Variants in NRP2 observed in about 807,000 individuals in gnomAD.
The protein encoded by NRP2 is neuropilin-2.
A neutral mutation model predicts 110.4 loss-of-function variants in NRP2; 52 were observed. That is an observed-to-expected ratio of 0.47 (90% CI 0.38 to 0.59). NRP2 has a LOEUF of 0.59. Ranked by LOEUF, NRP2 falls within the 20% of genes least tolerant of loss-of-function variation. NRP2 has a pLI of 0.00. For missense variants in NRP2, 1,049 were observed against 1,203.0 expected (o/e 0.87, Z 1.89); for synonymous variants, 508 against 468.9 (o/e 1.08, Z -1.08).
At chr2:205,786,829 T>C (rs1281322287) in intron 15 of NRP2, among the ~76,000 whole-genome samples, 1 of 152,162 alleles carries the variant, frequency 6.6e-6, no homozygotes, top group Non-Finnish European at 1.5e-5. Flanking sequence ...AACGGGCAAG[T>C]ATTGAACACA....
In NRP2 at chr2:205,723,911, A is replaced by G. The variant is rs2057072084; in HGVS notation, c.791A>G (p.Tyr264Cys). The G allele has an allele frequency of 1.9e-6, 3 of 1,614,158 alleles. No homozygotes were observed. Among genetic ancestry groups the G allele is most frequent in the Non-Finnish European group, 2.5e-6 (3 of 1,180,018 alleles). Reference sequence around the variant, plus strand: ...GCCAAGGATGGCTTCTCTGCGCGTTACTACCTGGTCCACCAAGAGCCACTA... The same window carrying G: ...GCCAAGGATGGCTTCTCTGCGCGTTGCTACCTGGTCCACCAAGAGCCACTA... ...AVAKDGFSAR[Y>C]YLVHQEPLEN... The change falls in exon 5 of 17, where the codon TAC becomes TGC. Residue 264 changes from tyrosine to cysteine, a missense_variant. Transcript: ENST00000357785.
intron 11 of NRP2, among the ~76,000 whole-genome samples, chr2:205,751,814 G>T (rs1004656494): frequency 1.3e-5 from 2 of 152,190 alleles, no homozygotes; most frequent in Admixed American, 6.5e-5. Flanking sequence ...AGTGAGAAGG[G>T]CAGAGACCCC....
At chr2:205,769,505 T>TACACACACACACACACAC (rs56837273) in intron 15 of NRP2, among the ~76,000 whole-genome samples, 33 of 145,200 alleles carry the variant, frequency 2.3e-4, no homozygotes, top group African/African-American at 4.3e-4. Context: ...TATACATACA[T>TACACACACACACACACAC]ACACACACAC....
intron 3 of NRP2, chr2:205,722,262 T>G: frequency 1.7e-6 from 1 of 582,914 alleles, no homozygotes. Context: ...CTGCTCTCAC[T>G]CTAATAATTA....
At chr2:205,745,612 T>C (rs1464464075) in intron 9 of NRP2, 134 bp from the exon 10 acceptor site, 6 of 932,976 alleles carry the variant, frequency 6.4e-6, no homozygotes, top group Non-Finnish European at 1.0e-5. Context: ...AATGTCCCAG[T>C]GACCAGGAAT....
chr2:205,788,857 A>C (rs969587885), intron 15 of NRP2, among the ~76,000 whole-genome samples: 1 of 152,186 alleles, frequency 6.6e-6, no homozygotes. Flanking sequence ...TTCCAAAGTC[A>C]TCAGTTTGTT....
At chr2:205,784,023 G>T (rs1446381668) in intron 15 of NRP2, among the ~76,000 whole-genome samples, 3 of 91,520 alleles carry the variant, frequency 3.3e-5, no homozygotes, top group Non-Finnish European at 7.1e-5. Context: ...CACACACACA[G>T]TGCCTTGTTT....
chr2:205,778,218 T>G (rs1303955735), intron 15 of NRP2: 3 of 140,092 alleles, frequency 2.1e-5, no homozygotes, highest in African/African-American at 8.6e-5. Context: ...AAAATACTAA[T>G]GATTTTTTTT....
At position 205,745,761 on chromosome 2, in the gene NRP2, A is replaced by G. The variant is rs768347871; in HGVS notation, c.1657A>G (p.Met553Val). Residue 553 changes from methionine to valine, a missense_variant, in exon 10 of 17, where the codon ATG (methionine) becomes GTG (valine). Coordinates refer to ENST00000357785, the MANE Select transcript of NRP2 (RefSeq NM_003872.3). ...TQQPKLFEGNMHYDTPDIRRF... is the reference protein window; with the variant it reads ...TQQPKLFEGNVHYDTPDIRRF... ...CTCCCTGCAGCTGTTCGAAGGGAAC[A>G]TGCACTATGACACCCCTGACATCCG... The G allele has an allele frequency of 1.2e-6, 2 of 1,614,216 alleles. No homozygotes were observed. Among genetic ancestry groups the G allele is most frequent in the Non-Finnish European group, 1.7e-6 (2 of 1,180,026 alleles).
intron 1 of NRP2, among the ~76,000 whole-genome samples, chr2:205,694,178 C>A (rs2056373852): frequency 6.6e-6 from 1 of 152,102 alleles, no homozygotes; most frequent in Admixed American, 6.5e-5. Flanking sequence ...AACAACAATA[C>A]TTAAGAAGGA....
At position 205,762,904 on chromosome 2, in the gene NRP2, C is replaced by A. The variant is rs180999175; in HGVS notation, c.2045-770C>A. On this transcript the variant is annotated intron_variant, in intron 12 of 16. Coordinates refer to ENST00000357785, the MANE Select transcript of NRP2 (RefSeq NM_003872.3). ...TCTCCAAACATTTGGATTGGTAAACCCTTAATTTCCCAGAACACATATATT... is the reference window on the plus strand; with the variant it reads ...TCTCCAAACATTTGGATTGGTAAACACTTAATTTCCCAGAACACATATATT... Among the ~76,000 whole-genome samples, 17 of 152,302 alleles carry A rather than the reference C, an allele frequency of 1.1e-4. No homozygotes were observed. In the East Asian group the frequency reaches 3.3e-3, roughly 29 times the overall value.
intron 7 of NRP2, among the ~76,000 whole-genome samples, chr2:205,739,272 G>T (rs1253143238): frequency 6.6e-6 from 1 of 152,180 alleles, no homozygotes; most frequent in Non-Finnish European, 1.5e-5. Flanking sequence ...CAAGGATGTT[G>T]GATCCAGACA....
rs377165246 is a variant in NRP2 at position 205,797,638 on chromosome 2, G to T, written c.*2580G>T. On this transcript the variant is annotated 3_prime_UTR_variant, in exon 17 of 17. Coordinates refer to ENST00000357785, the MANE Select transcript of NRP2 (RefSeq NM_003872.3). The stretch of plus-strand genomic sequence containing the variant: ...TCTGTCATAAGACAGAAAGAAAGAC[G>T]CTGGGCCCAATTTTGACTTGGCCAG... The T allele has an allele frequency of 2.6e-5, 4 of 152,666 alleles. No individual in the cohort carries two copies. Among genetic ancestry groups the T allele is most frequent in the African/African-American group, 9.6e-5 (4 of 41,456 alleles). 9.5% of individuals were successfully genotyped at this position (152,666 alleles called of 1,614,324 possible).
At chr2:205,711,075 G>C (rs1321724799) in intron 2 of NRP2, among the ~76,000 whole-genome samples, 4 of 152,232 alleles carry the variant, frequency 2.6e-5, no homozygotes, top group African/African-American at 9.6e-5. Flanking sequence ...CTCAGTAAAT[G>C]TGTTGGGGCA....
rs1306792922 is a variant in NRP2 at position 205,795,178 on chromosome 2, C to T, written c.*120C>T. 52 of 1,028,000 alleles carry T rather than the reference C, an allele frequency of 5.1e-5. No homozygotes were observed. In the Middle Eastern group the frequency reaches 7.2e-4, roughly 14 times the overall value. The allele number at this position is 1,028,000 out of a possible 1,614,324, so 63.7% of individuals were successfully genotyped here. On this transcript the variant is annotated 3_prime_UTR_variant, in exon 17 of 17. Coordinates refer to ENST00000357785, the MANE Select transcript of NRP2 (RefSeq NM_003872.3). ...TCTCGATCAAACCGATCCAGAATAC[C>T]GAAGGTATGGACAGGACAGAAAAGC...
chr2:205,751,354 G>A (rs2105893588), intron 11 of NRP2, among the ~76,000 whole-genome samples: 1 of 151,898 alleles, frequency 6.6e-6, no homozygotes, highest in South Asian at 2.1e-4. Flanking sequence ...AGTTTTTTTT[G>A]TAGAATTTGG....
intron 15 of NRP2, among the ~76,000 whole-genome samples, chr2:205,774,302 G>A (rs1003732122): frequency 6.6e-6 from 1 of 151,728 alleles, no homozygotes; most frequent in Admixed American, 6.6e-5. Flanking sequence ...CCACAAATAT[G>A]AGAGAGAGAG....
intron 3 of NRP2, among the ~76,000 whole-genome samples, chr2:205,720,758 G>T (rs921264381): frequency 2.6e-5 from 4 of 152,188 alleles, no homozygotes; most frequent in Admixed American, 2.0e-4. Context: ...AGGCCCTCAG[G>T]AGTCCGAAGC....
At chr2:205,683,842 G>T (rs1648751784) in intron 1 of NRP2, among the ~76,000 whole-genome samples, 1 of 152,158 alleles carries the variant, frequency 6.6e-6, no homozygotes, top group Admixed American at 6.5e-5. Flanking sequence ...TTGGTTTTCA[G>T]ATGCTGTAGA....
Sources: allele counts gnomAD v4.1 joint callset (sites outside exome capture counted in the v4.1 genomes callset), GRCh38; gene constraint gnomAD v4.1.1; transcripts MANE v1.5; gene names NCBI Gene and HGNC (gene_info 2026-07-23, HGNC 2026-07-21).